The following SHANK2 variants were observed in gnomAD, a reference collection of about 807,000 sequenced individuals.
SHANK2 encodes SH3 and multiple ankyrin repeat domains 2.
A neutral mutation model predicts 133.7 loss-of-function variants in SHANK2; 43 were observed. The observed-to-expected ratio is 0.32, with a 90% CI of 0.25 to 0.41. The LOEUF (loss-of-function observed/expected upper bound fraction) is 0.41. Ranked by LOEUF, SHANK2 falls within the 10% of genes least tolerant of loss-of-function variation. The pLI is 1.00. For synonymous variants in SHANK2, 1,017 were observed against 952.8 expected, an observed-to-expected ratio of 1.07 and a Z score of -1.24; for missense variants, 1,994 against 2,235.8, an observed-to-expected ratio of 0.89 and a Z score of 2.18.
chr11:70,617,101 G>A (rs538987410), intron 17 of SHANK2, among the ~76,000 whole-genome samples: 7 of 152,150 alleles, frequency 4.6e-5, no homozygotes, highest in African/African-American at 1.7e-4. Flanking sequence ...ATGAGAGTGT[G>A]TATGTGTGTG....
chr11:70,769,175 C>T (rs771549512), intron 14 of SHANK2, among the ~76,000 whole-genome samples: 2 of 152,144 alleles, frequency 1.3e-5, no homozygotes, highest in East Asian at 1.9e-4. Context: ...GTGAATGACT[C>T]GCCTGAGAAG....
intron 14 of SHANK2, among the ~76,000 whole-genome samples, chr11:70,718,713 T>TTTTTTTTTG (rs1946008608): frequency 6.6e-6 from 1 of 150,592 alleles, no homozygotes; most frequent in South Asian, 2.1e-4. Context: ...TTTTTTTTTT[T>TTTTTTTTTG]GAATTGCTGG....
chr11:70,853,514 G>C (rs1555066263), intron 11 of SHANK2, among the ~76,000 whole-genome samples: 1 of 152,162 alleles, frequency 6.6e-6, no homozygotes, highest in East Asian at 1.9e-4. Context: ...TGGCCAGGGG[G>C]GATGCCTCTC....
intron 6 of SHANK2, among the ~76,000 whole-genome samples, chr11:71,102,414 C>T (rs1041004956): frequency 6.6e-6 from 1 of 152,160 alleles, no homozygotes; most frequent in Non-Finnish European, 1.5e-5. Flanking sequence ...AGGGCTGCTT[C>T]CCTCCGCTCC....
At chr11:70,559,404 C>T (rs972491921) in intron 17 of SHANK2, among the ~76,000 whole-genome samples, 2 of 152,176 alleles carry the variant, frequency 1.3e-5, no homozygotes, top group African/African-American at 2.4e-5. Flanking sequence ...CCACACACCA[C>T]GCTTCTTTTT....
At chr11:71,184,757 G>A (rs999095285) in intron 2 of SHANK2, among the ~76,000 whole-genome samples, 3 of 152,190 alleles carry the variant, frequency 2.0e-5, no homozygotes, top group East Asian at 1.9e-4. Flanking sequence ...GGCAAGTCAC[G>A]GCGGCTGATT....
chr11:70,806,460 T>C (rs1378433224), intron 13 of SHANK2, among the ~76,000 whole-genome samples: 1 of 152,230 alleles, frequency 6.6e-6, no homozygotes, highest in Non-Finnish European at 1.5e-5. Flanking sequence ...GGCTCCCCAA[T>C]ACCCCAGGAA....
chr11:70,778,820 G>A (rs1947422344), intron 14 of SHANK2, among the ~76,000 whole-genome samples: 1 of 152,124 alleles, frequency 6.6e-6, no homozygotes, highest in South Asian at 2.1e-4. Context: ...CCTCCACACT[G>A]GCAGCCCAGT....
intron 11 of SHANK2, among the ~76,000 whole-genome samples, chr11:70,880,303 A>C (rs1555072171): frequency 6.6e-6 from 1 of 152,230 alleles, no homozygotes; most frequent in East Asian, 1.9e-4. Context: ...CCTGGTCGAA[A>C]GAAGGGCTGT....
intron 10 of SHANK2, among the ~76,000 whole-genome samples, chr11:70,903,661 C>A (rs1555077331): frequency 6.6e-6 from 1 of 152,136 alleles, no homozygotes; most frequent in Non-Finnish European, 1.5e-5. Flanking sequence ...TTGGTTCAGA[C>A]CCCTGCCACA....
At chr11:70,826,756 C>A (rs1948646440) in intron 11 of SHANK2, 2 of 306,498 alleles carry the variant, frequency 6.5e-6, no homozygotes, top group Admixed American at 8.3e-5. Flanking sequence ...TCAAACCCGG[C>A]TACCTCTCGC....
intron 11 of SHANK2, among the ~76,000 whole-genome samples, chr11:70,837,969 C>T (rs1467995906): frequency 1.5e-5 from 1 of 68,610 alleles, no homozygotes; most frequent in African/African-American, 6.5e-5. Context: ...GCAAAACATT[C>T]TGTCTCAAAA....
chr11:71,064,213 G>C (rs1951019249), intron 9 of SHANK2, among the ~76,000 whole-genome samples: 1 of 152,232 alleles, frequency 6.6e-6, no homozygotes, highest in African/African-American at 2.4e-5. Flanking sequence ...TCTCTGCCAG[G>C]CTTGGGCTGG....
chr11:70,564,315 G>C (rs1484146749), intron 17 of SHANK2, among the ~76,000 whole-genome samples: 1 of 151,326 alleles, frequency 6.6e-6, no homozygotes, highest in Non-Finnish European at 1.5e-5. Flanking sequence ...CTGGAGTGCA[G>C]TGGTGCGATC....
At chr11:70,646,651 C>T (rs192538020) in intron 17 of SHANK2, among the ~76,000 whole-genome samples, 2 of 152,280 alleles carry the variant, frequency 1.3e-5, no homozygotes, top group Admixed American at 1.3e-4. Context: ...CAAGCAGTTG[C>T]TCAAAATAAC....
intron 1 of SHANK2, among the ~76,000 whole-genome samples, chr11:71,241,557 T>C (rs1246869610): frequency 6.6e-6 from 1 of 152,196 alleles, no homozygotes; most frequent in Non-Finnish European, 1.5e-5. Flanking sequence ...GTTAATCAGC[T>C]ACATTTTGCA....
chr11:71,130,281 G>A lies in SHANK2; in HGVS notation c.208-11249C>T, dbSNP rs571165246. Among the ~76,000 whole-genome samples, 165 of 152,292 alleles carry A rather than the reference G, an allele frequency of 1.1e-3. 2 individuals are homozygous for A. The highest frequency in any genetic ancestry group is 6.4e-3 in the Admixed American group (98 of 15,304). On this transcript the variant is annotated intron_variant, in intron 3 of 25. Transcript: ENST00000601538. ...CCACCACCTGCCTGTGTTGGGACACGTCCGCACTGCTGAGTAAGACACATA... is the reference window on the plus strand; with the variant it reads ...CCACCACCTGCCTGTGTTGGGACACATCCGCACTGCTGAGTAAGACACATA...
chr11:70,837,293 G>T (rs1948833903), intron 11 of SHANK2, among the ~76,000 whole-genome samples: 2 of 152,118 alleles, frequency 1.3e-5, no homozygotes, highest in Non-Finnish European at 2.9e-5. Flanking sequence ...TCCTCCAGAT[G>T]CTCCCTCACC....
chr11:70,500,439 G>T lies in SHANK2; in HGVS notation c.2308+131C>A. On this transcript the variant is annotated intron_variant, in intron 21 of 25. Coordinates refer to ENST00000601538, the MANE Select transcript of SHANK2 (RefSeq NM_012309.5). This position sits in a 1 kb window ranked among gnomAD's most constrained non-coding sequence, Gnocchi z 4.5. ...TGCTCCAGGGCGGCAGGGCTCCTCG[G>T]GCAGGACCCAGCAGGAGAAGCCAAC... The T allele has an allele frequency of 7.7e-7, 1 of 1,291,720 alleles. No homozygotes were observed. The highest frequency in any genetic ancestry group is 1.1e-6 in the Non-Finnish European group (1 of 914,096). The allele number at this position is 1,291,720 out of a possible 1,614,324, so 80.0% of individuals were successfully genotyped here.
Sources: allele counts gnomAD v4.1 joint callset (sites outside exome capture counted in the v4.1 genomes callset), GRCh38; gene constraint gnomAD v4.1.1; non-coding constraint Gnocchi (gnomAD v3.1); transcripts MANE v1.5; gene names NCBI Gene and HGNC (gene_info 2026-07-23, HGNC 2026-07-21).